Variants in CFD observed in about 807,000 individuals in gnomAD.
CFD encodes complement factor D.
In CFD, 24 loss-of-function variants were observed where a neutral mutation model predicts 21.1. The ratio of observed to expected loss-of-function variants is 1.14; its 90% CI spans 0.82 to 1.60. The LOEUF is 1.60. Among genes scored for constraint, CFD ranks in the 40% most tolerant of loss-of-function variants. CFD has a pLI of 0.00. For missense variants in CFD, 535 were observed against 383.3 expected, an observed-to-expected ratio of 1.40 and a Z score of -3.31; for synonymous variants, 242 against 175.9, an observed-to-expected ratio of 1.38 and a Z score of -2.97.
Position 863,418 on chromosome 19 carries a change from C to G in CFD, c.*180C>G, listed in dbSNP as rs1193546909. The G allele has an allele frequency of 2.0e-5, 14 of 688,992 alleles. No individual in the cohort carries two copies. In the East Asian group the frequency reaches 3.3e-4, roughly 16 times the overall value. 42.7% of individuals were successfully genotyped at this position (688,992 alleles called of 1,614,324 possible). The stretch of plus-strand genomic sequence containing the variant: ...TCAGCATGGGCCACGTAGCGCGACT[C>G]CATCTCTACAAATAAATAAAAAATT... On this transcript the variant is annotated 3_prime_UTR_variant, in exon 5 of 5. Transcript: ENST00000327726.
At chr19:861,415 C>T (rs867645679) in intron 3 of CFD, among the ~76,000 whole-genome samples, 1 of 127,568 alleles carries the variant, frequency 7.8e-6, no homozygotes, top group South Asian at 2.9e-4. Context: ...CCGGGTCTAG[C>T]CTCGACCTCT....
In CFD at chr19:861,925, G is replaced by C; in HGVS notation, c.584G>C (p.Cys195Ser). The stretch of plus-strand genomic sequence containing the variant: ...GGCGCCATCACCGAGCGCTTGATGT[G>C]CGCGGAGAGCAATCGCCGGGACAGC... ...HDGAITERLMCAESNRRDSCK... is the reference protein window; with the variant it reads ...HDGAITERLMSAESNRRDSCK... The change falls in exon 4 of 5, where the codon TGC (cysteine) becomes TCC (serine). Residue 195 changes from cysteine to serine, a missense_variant. Physicochemically the swap from Cys to Ser is moderately radical, Grantham distance 112. Transcript: ENST00000327726. 2 of 1,564,556 alleles carry C rather than the reference G, an allele frequency of 1.3e-6. No individual in the cohort carries two copies. Among genetic ancestry groups the C allele is most frequent in the Non-Finnish European group, 1.7e-6 (2 of 1,162,420 alleles).
chr19:862,059 A>T, intron 4 of CFD, 103 bp downstream of exon 4: 37 of 787,054 alleles, frequency 4.7e-5, no homozygotes, highest in East Asian at 7.5e-5. Flanking sequence ...GGCCCAGGGA[A>T]GGGGCGGGGC....
At chr19:860,430 A>AC (rs57197777) in intron 1 of CFD, among the ~76,000 whole-genome samples, 187 bp from the exon 2 acceptor site, 37,949 of 140,200 alleles carry the variant, frequency 0.27, 5,186 homozygotes, top group East Asian at 0.4. Flanking sequence ...CATGATCTGC[A>AC]CCCCCCCCTC....
chr19:860,839 G>A, intron 2 of CFD, 22 bp from the exon 3 acceptor site: 1 of 1,558,844 alleles, frequency 6.4e-7, no homozygotes, highest in South Asian at 1.2e-5. Flanking sequence ...GGCACCGACC[G>A]CGGACTCCGT....
intron 1 of CFD, 112 bp from the exon 2 acceptor site, chr19:860,505 G>C: frequency 5.4e-6 from 6 of 1,111,816 alleles, no homozygotes; most frequent in Non-Finnish European, 6.9e-6. Flanking sequence ...CGCGCCCAGA[G>C]ATGGGATTCT....
intron 4 of CFD, among the ~76,000 whole-genome samples, chr19:862,880 CAGG>C (rs1437937487): frequency 2.3e-5 from 3 of 131,780 alleles, no homozygotes; most frequent in Non-Finnish European, 3.3e-5. Context: ...GGGGTGTGGC[CAGG>C]AGCTGGGGGC....
chr19:861,376 C>G (rs1387978834), intron 3 of CFD, among the ~76,000 whole-genome samples: 2 of 49,026 alleles, frequency 4.1e-5, no homozygotes, highest in African/African-American at 9.4e-5. Flanking sequence ...TGCATGGGGA[C>G]CCCGCCCTAC....
At chr19:862,968 C>T in intron 4 of CFD, 124 bp from the exon 5 acceptor site, 1 of 1,032,762 alleles carries the variant, frequency 9.7e-7, no homozygotes. Flanking sequence ...TAGTGAAGAC[C>T]AAATTAACAC....
chr19:859,916 C>T (rs947403387), intron 1 of CFD, among the ~76,000 whole-genome samples, 172 bp downstream of exon 1: 2 of 152,194 alleles, frequency 1.3e-5, no homozygotes, highest in Admixed American at 6.5e-5. Context: ...GATTGGAAAT[C>T]GGAACTTTCT....
Position 863,118 on chromosome 19 carries a change from C to CG in CFD, c.647dup (p.Val217ArgfsTer127), listed in dbSNP as rs2035832545. The CG allele has an allele frequency of 6.5e-7, 1 of 1,530,278 alleles. No homozygotes were observed. Among genetic ancestry groups the CG allele is most frequent in the Non-Finnish European group, 8.8e-7 (1 of 1,142,386 alleles). The allele number at this position is 1,530,278 out of a possible 1,614,324, so 94.8% of individuals were successfully genotyped here. On this transcript the variant is annotated frameshift_variant, in exon 5 of 5. Transcript: ENST00000327726. LOFTEE classifies it low-confidence loss of function (END_TRUNC). ...GTGACTCCGGGGGCCCGCTGGTGTG[C>CG]GGGGGCGTGCTCGAGGGCGTGGTCA...
In CFD at chr19:861,065, C is replaced by G. The variant is rs1208765526; in HGVS notation, c.357+60C>G. 20 of 1,548,040 alleles carry G rather than the reference C, an allele frequency of 1.3e-5. 1 individual carries two copies. The East Asian group carries it at 4.2e-4, about 33-fold the overall frequency. ...CTGGGATCCCCGGCCCACCCTCACT[C>G]CACCCCGCCTACACCGCGCCCCGGG... On this transcript the variant is annotated intron_variant, in intron 3 of 4. Coordinates refer to ENST00000327726, the MANE Select transcript of CFD (RefSeq NM_001928.4).
chr19:861,642 ATT>A, intron 3 of CFD, 55 bp from the exon 4 acceptor site: 1 of 1,495,102 alleles, frequency 6.7e-7, no homozygotes. Flanking sequence ...GCCTAGCGGC[ATT>A]CTCCCCAGCC....
Position 860,696 on chromosome 19 carries a change from G to A in CFD, c.135G>A (p.Leu45=), listed in dbSNP as rs775639261. Residue 45 remains leucine, a synonymous_variant, in exon 2 of 5, where the codon CTG becomes CTA. Coordinates refer to ENST00000327726, the MANE Select transcript of CFD (RefSeq NM_001928.4). Reference sequence around the variant, plus strand: ...GGCCCTACATGGCGTCGGTGCAGCTGAACGGCGCGCACCTGTGCGGCGGCG... The same window carrying A: ...GGCCCTACATGGCGTCGGTGCAGCTAAACGGCGCGCACCTGTGCGGCGGCG... The part of the protein sequence containing the change: ...HARPYMASVQ[L]NGAHLCGGVL... The A allele has an allele frequency of 2.6e-6, 4 of 1,552,062 alleles. No individual in the cohort carries two copies. Among genetic ancestry groups the A allele is most frequent in the South Asian group, 2.3e-5 (2 of 85,624 alleles).
Position 863,606 on chromosome 19 carries a change from T to TAA in CFD, c.*369_*370insAA. 5 of 154,028 alleles carry TAA rather than the reference T, an allele frequency of 3.2e-5. No homozygotes were observed. Among genetic ancestry groups the TAA allele is most frequent in the East Asian group, 1.5e-4 (1 of 6,634 alleles). 9.5% of individuals were successfully genotyped at this position (154,028 alleles called of 1,614,324 possible). On this transcript the variant is annotated 3_prime_UTR_variant, in exon 5 of 5. Coordinates refer to ENST00000327726, the MANE Select transcript of CFD (RefSeq NM_001928.4). ...AACAGAGTGAAACCTTGTCTCTCTCTACAAAAAAAAAAAAAAAATTCTGCG... is the reference window on the plus strand; with the variant it reads ...AACAGAGTGAAACCTTGTCTCTCTCTAAACAAAAAAAAAAAAAAAATTCTGCG...
intron 3 of CFD, 58 bp from the exon 4 acceptor site, chr19:861,641 C>G: frequency 6.5e-7 from 1 of 1,541,920 alleles, no homozygotes; most frequent in Non-Finnish European, 8.7e-7. Flanking sequence ...AGCCTAGCGG[C>G]ATTCTCCCCA....
Position 863,051 on chromosome 19 carries a change from G to A in CFD, c.616-41G>A, listed in dbSNP as rs1568311109. ...GGGGTCTAACACGTGAGGCCGGGGT[G>A]GGCGCGGGCCGCCCCTCACGGCCCC... On this transcript the variant is annotated intron_variant, in intron 4 of 4. Coordinates refer to ENST00000327726, the MANE Select transcript of CFD (RefSeq NM_001928.4). The A allele has an allele frequency of 1.5e-5, 22 of 1,482,468 alleles. 1 individual carries two copies. The highest frequency in any genetic ancestry group is 2.3e-4 in the Middle Eastern group (1 of 4,282). 91.8% of individuals were successfully genotyped at this position (1,482,468 alleles called of 1,614,324 possible).
intron 1 of CFD, among the ~76,000 whole-genome samples, 172 bp from the exon 2 acceptor site, chr19:860,445 C>A (rs1389736951): frequency 6.6e-6 from 1 of 151,692 alleles, no homozygotes; most frequent in Non-Finnish European, 1.5e-5. Flanking sequence ...CCCCTCCCCC[C>A]CCGCCCCCGC....
rs370120478 is a variant in CFD, at chr19:861,919, T to C, written c.578T>C (p.Leu193Ser). 6 of 1,568,542 alleles carry C rather than the reference T, an allele frequency of 3.8e-6. No individual in the cohort carries two copies. In the African/African-American group the frequency reaches 5.4e-5, roughly 14 times the overall value. Residue 193 changes from leucine (L) to serine (S), a missense_variant, in exon 4 of 5, where the codon TTG becomes TCG. Coordinates refer to ENST00000327726, the MANE Select transcript of CFD (RefSeq NM_001928.4). ...THHDGAITER[L>S]MCAESNRRDS... ...CACGACGGCGCCATCACCGAGCGCTTGATGTGCGCGGAGAGCAATCGCCGG... is the reference window on the plus strand; with the variant it reads ...CACGACGGCGCCATCACCGAGCGCTCGATGTGCGCGGAGAGCAATCGCCGG...
Sources: gnomAD v4.1 joint callset for allele counts (sites outside exome capture counted in the v4.1 genomes callset) on GRCh38, gnomAD v4.1.1 for gene constraint, MANE v1.5 for transcripts, NCBI Gene and HGNC (gene_info 2026-07-23, HGNC 2026-07-21) for gene names.